The following PRKD3 variants were observed in gnomAD, a reference collection of about 807,000 sequenced individuals.
The protein encoded by PRKD3 is serine/threonine-protein kinase D3.
PRKD3 carries 47 observed loss-of-function variants against 99.2 expected under a neutral mutation model. The observed-to-expected ratio is 0.47, with a 90% CI of 0.38 to 0.60. The LOEUF is 0.60. Among genes scored for constraint, PRKD3 ranks in the 20% least tolerant of loss-of-function variants. The pLI, the probability that PRKD3 is intolerant of heterozygous loss-of-function variation, is 0.00. For missense variants in PRKD3, 1,019 were observed against 1,088.4 expected (o/e 0.94, Z 0.90); for synonymous variants, 392 against 355.4 (o/e 1.10, Z -1.16).
chr2:37,323,480 A>G (rs1401153982), intron 1 of PRKD3, among the ~76,000 whole-genome samples: 1 of 151,994 alleles, frequency 6.6e-6, no homozygotes, highest in Non-Finnish European at 1.5e-5. Flanking sequence ...CTTTTAGAAA[A>G]TCTTCTAACT....
Position 37,252,500 on chromosome 2 carries a change from A to G in PRKD3, c.*677T>C, listed in dbSNP as rs947748887. On this transcript the variant is annotated 3_prime_UTR_variant, in exon 19 of 19. Transcript: ENST00000234179. ...CTGTTGCAACACACAGAAGGTGACA[A>G]TCCTTATGCTGTATAGAACATATTC... 1 of 152,186 alleles carries G rather than the reference A, an allele frequency of 6.6e-6. No individual in the cohort carries two copies. Among genetic ancestry groups the G allele is most frequent in the Non-Finnish European group, 1.5e-5 (1 of 68,038 alleles). The allele number at this position is 152,186 out of a possible 1,614,324, so 9.4% of individuals were successfully genotyped here.
chr2:37,253,687 A>G (rs950445247), intron 18 of PRKD3, among the ~76,000 whole-genome samples: 19 of 152,178 alleles, frequency 1.2e-4, no homozygotes, highest in Non-Finnish European at 2.5e-4. Flanking sequence ...AGTGGGGGAA[A>G]GTGCTTGGAT....
intron 2 of PRKD3, among the ~76,000 whole-genome samples, chr2:37,294,861 G>A (rs1266561006): frequency 3.3e-5 from 5 of 152,250 alleles, no homozygotes; most frequent in Admixed American, 1.3e-4. Flanking sequence ...GATCATTTGA[G>A]GTCAGGAGTT....
chr2:37,322,952 G>GT (rs1671947604), intron 1 of PRKD3, among the ~76,000 whole-genome samples: 1 of 135,600 alleles, frequency 7.4e-6, no homozygotes, highest in Non-Finnish European at 1.5e-5. Flanking sequence ...CTCCACTGTA[G>GT]TATTTTCAAC....
At chr2:37,317,994 G>A (rs1454778291) in intron 1 of PRKD3, 2 of 151,342 alleles carry the variant, frequency 1.3e-5, no homozygotes, top group South Asian at 4.1e-4. Flanking sequence ...AAAAAGGTAT[G>A]ACCCAACCCC....
At chr2:37,260,626 CT>C (rs1283712004) in intron 14 of PRKD3, among the ~76,000 whole-genome samples, 1 of 152,190 alleles carries the variant, frequency 6.6e-6, no homozygotes, top group Admixed American at 6.5e-5. Context: ...TATAATCACT[CT>C]TGTCCATTAC....
At position 37,282,439 on chromosome 2, in the gene PRKD3, G is replaced by C. The variant is rs1669896207; in HGVS notation, c.988+103C>G. ...TATTAAATCAGAAGAAAATCTTTAA[G>C]AAACAAAATAAATCAGGAAAACAGA... is the stretch of plus-strand genomic sequence containing the variant. On this transcript the variant is annotated intron_variant, in intron 7 of 18. Coordinates refer to ENST00000234179, the MANE Select transcript of PRKD3 (RefSeq NM_005813.6). 6 of 774,766 alleles carry C rather than the reference G, an allele frequency of 7.7e-6. No individual in the cohort carries two copies. In the East Asian group the frequency reaches 1.6e-4, roughly 20 times the overall value. 48.0% of individuals were successfully genotyped at this position (774,766 alleles called of 1,614,324 possible). A position where few individuals can be genotyped will look rare whatever the true frequency, so the allele number is the denominator to read the frequency against.
chr2:37,304,194 AC>A (rs1398922522), intron 2 of PRKD3, among the ~76,000 whole-genome samples: 2 of 144,936 alleles, frequency 1.4e-5, no homozygotes, highest in Admixed American at 6.9e-5. Context: ...ACAGGTACTT[AC>A]TAAAAAAAAA....
chr2:37,271,410 A>C (rs567576313), intron 12 of PRKD3, among the ~76,000 whole-genome samples: 1 of 152,316 alleles, frequency 6.6e-6, no homozygotes, highest in South Asian at 2.1e-4. Flanking sequence ...ATAAAGTTTT[A>C]TTGGAACACA....
At chr2:37,311,150 A>C (rs1421114595) in intron 2 of PRKD3, among the ~76,000 whole-genome samples, 2 of 152,200 alleles carry the variant, frequency 1.3e-5, no homozygotes, top group Non-Finnish European at 2.9e-5. Flanking sequence ...TCCATGCTAC[A>C]AGCTATCAAA....
chr2:37,304,427 C>G (rs542402596), intron 2 of PRKD3, among the ~76,000 whole-genome samples: 125 of 152,086 alleles, frequency 8.2e-4, no homozygotes, highest in African/African-American at 2.8e-3. Context: ...TAACCTGAAC[C>G]CAGAATTTTT....
At chr2:37,254,937 A>G (rs987247164) in intron 17 of PRKD3, among the ~76,000 whole-genome samples, 11 of 152,244 alleles carry the variant, frequency 7.2e-5, no homozygotes, top group Non-Finnish European at 1.3e-4. Flanking sequence ...AGAATGATCA[A>G]TTGCAAAACC....
intron 9 of PRKD3, among the ~76,000 whole-genome samples, chr2:37,277,117 A>T (rs2148545209): frequency 6.6e-6 from 1 of 152,228 alleles, no homozygotes; most frequent in Non-Finnish European, 1.5e-5. Context: ...TTTATTAGAA[A>T]GCTTGTTTCA....
chr2:37,261,617 C>T (rs1262114870), intron 14 of PRKD3, among the ~76,000 whole-genome samples: 2 of 151,608 alleles, frequency 1.3e-5, no homozygotes, highest in African/African-American at 4.9e-5. Context: ...CTAGTCTCTA[C>T]TAAAAATACA....
At position 37,260,266 on chromosome 2, in the gene PRKD3, T is replaced by C; in HGVS notation, c.2003A>G (p.Lys668Arg). ...DMLEMILSSE[K>R]SRLPERITKF... Reference sequence around the variant, plus strand: ...AGTAATTCGTTCTGGAAGCCGACTTTTCTCACTGGATAGAATCATTTCCAA... The same window carrying C: ...AGTAATTCGTTCTGGAAGCCGACTTCTCTCACTGGATAGAATCATTTCCAA... Residue 668 changes from lysine to arginine, a missense_variant, in exon 15 of 19, where the codon AAA (lysine) becomes AGA (arginine). Coordinates refer to ENST00000234179, the MANE Select transcript of PRKD3 (RefSeq NM_005813.6). 7 of 1,612,206 alleles carry C rather than the reference T, an allele frequency of 4.3e-6. No individual in the cohort carries two copies. Among genetic ancestry groups the C allele is most frequent in the Non-Finnish European group, 5.9e-6 (7 of 1,178,258 alleles).
intron 2 of PRKD3, among the ~76,000 whole-genome samples, chr2:37,314,540 A>G (rs1363007048): frequency 6.6e-6 from 1 of 152,168 alleles, no homozygotes; most frequent in African/African-American, 2.4e-5. Flanking sequence ...AAGTAAATCA[A>G]TTAGCTCAAT....
chr2:37,269,331 A>T (rs997049847), intron 13 of PRKD3: 6 of 381,894 alleles, frequency 1.6e-5, no homozygotes, highest in Non-Finnish European at 3.0e-5. Context: ...ACTTCAAACC[A>T]TCTCCCCCCC....
intron 6 of PRKD3, 135 bp downstream of exon 6, chr2:37,286,042 T>C (rs1670079108): frequency 2.5e-6 from 2 of 814,222 alleles, no homozygotes; most frequent in Non-Finnish European, 3.7e-6. Flanking sequence ...ATTTTGTTTA[T>C]ATTTCTCTTT....
At chr2:37,254,791 C>T (rs1395080909) in intron 17 of PRKD3, among the ~76,000 whole-genome samples, 1 of 152,222 alleles carries the variant, frequency 6.6e-6, no homozygotes, top group East Asian at 1.9e-4. Flanking sequence ...TGGAAAGGCA[C>T]TGCCTTGCCT....
Sources: gnomAD v4.1 joint callset for allele counts (sites outside exome capture counted in the v4.1 genomes callset) on GRCh38, gnomAD v4.1.1 for gene constraint, MANE v1.5 for transcripts, NCBI Gene and HGNC (gene_info 2026-07-23, HGNC 2026-07-21) for gene names.